The following HECW2 variants were observed in gnomAD, a reference collection of about 807,000 sequenced individuals.
The protein encoded by HECW2 is E3 ubiquitin-protein ligase HECW2.
In HECW2, 61 loss-of-function variants were observed where a neutral mutation model predicts 175.2. That is an observed-to-expected ratio of 0.35 (90% CI 0.28 to 0.43). The LOEUF (loss-of-function observed/expected upper bound fraction) is 0.43, where lower values mean the gene tolerates loss of function less well. HECW2 is among the 20% of genes least tolerant of loss of function. The pLI is 1.00. For missense variants in HECW2, 1,524 were observed against 2,000.5 expected (o/e 0.76, Z 4.54); for synonymous variants, 671 against 731.0 (o/e 0.92, Z 1.32).
intron 15 of HECW2, among the ~76,000 whole-genome samples, chr2:196,276,300 C>T (rs73044216): frequency 0.014 from 2,192 of 152,274 alleles, 48 homozygotes; most frequent in African/African-American, 0.051. Flanking sequence ...ATGGACTTAT[C>T]TCTGGGCCAC....
rs1295694142 is a variant in HECW2, at chr2:196,318,671, C to T, written c.2219G>A (p.Arg740Lys). ...AGCTGCAGCTCCCTCCAGGCTCCCC[C>T]TCCGCTGCCAGACCTCCCCCAGCTC... ...QEELGEVWQRRGSLEGAAAAA... is the reference protein window; with the variant it reads ...QEELGEVWQRKGSLEGAAAAA... The change falls in exon 9 of 29, where the codon AGG (arginine) becomes AAG (lysine). Residue 740 changes from arginine to lysine, a missense_variant. By Grantham distance (26) the Arg-to-Lys change is conservative (BLOSUM62 2). Coordinates refer to ENST00000644978, the MANE Select transcript of HECW2 (RefSeq NM_001348768.2). 3 of 1,600,648 alleles carry T rather than the reference C, an allele frequency of 1.9e-6. No homozygotes were observed. The highest frequency in any genetic ancestry group is 1.1e-5 in the South Asian group (1 of 89,002).
At position 196,554,089 on chromosome 2, in the gene HECW2, A is replaced by C. The variant is rs1689701805; in HGVS notation, c.-36+39419T>G. 2.6e-5 allele frequency among the ~76,000 whole-genome samples: 4 copies of C among 152,210 alleles called. No homozygotes were observed. The South Asian group carries it at 8.3e-4, about 31-fold the overall frequency. On this transcript the variant is annotated intron_variant, in intron 1 of 28. Transcript: ENST00000644978. ...CGCGGTGGCTCACGCCTGTAATCCC[A>C]GCACTTTGGGAGGCCGAGGCGGGCG...
chr2:196,500,945 C>A (rs1216047527), intron 1 of HECW2, among the ~76,000 whole-genome samples: 1 of 152,208 alleles, frequency 6.6e-6, no homozygotes, highest in African/African-American at 2.4e-5. Context: ...AGGCAAGATT[C>A]CAACAGTGAG....
At chr2:196,569,552 CCTG>C (rs1690309921) in intron 1 of HECW2, among the ~76,000 whole-genome samples, 1 of 152,050 alleles carries the variant, frequency 6.6e-6, no homozygotes, top group African/African-American at 2.4e-5. Context: ...TATTTATCTT[CCTG>C]CTAAGACAGG....
At chr2:196,235,823 AT>A (rs949602642) in intron 21 of HECW2, among the ~76,000 whole-genome samples, 2 of 150,658 alleles carry the variant, frequency 1.3e-5, no homozygotes, top group African/African-American at 4.9e-5. Context: ...TGCCCGGCTA[AT>A]TTTTTTTGTA....
At chr2:196,455,928 CCTTTAA>C (rs1383322281) in intron 1 of HECW2, among the ~76,000 whole-genome samples, 4 of 151,432 alleles carry the variant, frequency 2.6e-5, no homozygotes, top group Non-Finnish European at 5.9e-5. Flanking sequence ...AATATTGAGC[CCTTTAA>C]CTTTAAGGAT....
At chr2:196,560,661 G>A (rs981037256) in intron 1 of HECW2, among the ~76,000 whole-genome samples, 1 of 151,740 alleles carries the variant, frequency 6.6e-6, no homozygotes, top group Non-Finnish European at 1.5e-5. Flanking sequence ...TTCTCAAAGT[G>A]GACTCTGCAG....
At chr2:196,256,428 AC>A (rs763539481) in intron 18 of HECW2, among the ~76,000 whole-genome samples, 27 of 152,300 alleles carry the variant, frequency 1.8e-4, no homozygotes, top group Admixed American at 7.8e-4. Context: ...ACTACTTAAC[AC>A]ATAGAAACTC....
intron 1 of HECW2, among the ~76,000 whole-genome samples, chr2:196,511,529 T>C (rs752505513): frequency 6.6e-6 from 1 of 152,234 alleles, no homozygotes; most frequent in African/African-American, 2.4e-5. Flanking sequence ...TGGTTGCAAA[T>C]TCACTGGTGA....
chr2:196,592,247 C>T, intron 1 of HECW2, among the ~76,000 whole-genome samples: 1 of 152,118 alleles, frequency 6.6e-6, no homozygotes, highest in Non-Finnish European at 1.5e-5. Flanking sequence ...GCATGCTGTC[C>T]ACCTCTATCT....
At chr2:196,527,085 C>T (rs930146351) in intron 1 of HECW2, among the ~76,000 whole-genome samples, 5 of 152,334 alleles carry the variant, frequency 3.3e-5, no homozygotes, top group East Asian at 1.9e-4. Context: ...GCCTTGCTGC[C>T]GCCTTGCAGT....
intron 2 of HECW2, among the ~76,000 whole-genome samples, chr2:196,393,695 C>T (rs1404893518): frequency 2.0e-5 from 3 of 152,224 alleles, no homozygotes; most frequent in Non-Finnish European, 4.4e-5. Flanking sequence ...TACACTTTTA[C>T]ACTGTTGGTG....
chr2:196,477,924 T>C (rs985359883), intron 1 of HECW2, among the ~76,000 whole-genome samples: 1 of 152,108 alleles, frequency 6.6e-6, no homozygotes, highest in Non-Finnish European at 1.5e-5. Flanking sequence ...TGGTGGCACG[T>C]GCCTGTAATT....
At chr2:196,322,679 C>A (rs1421252015) in intron 6 of HECW2, 59 bp from the exon 7 acceptor site, 1 of 1,446,824 alleles carries the variant, frequency 6.9e-7, no homozygotes, top group Non-Finnish European at 9.6e-7. Flanking sequence ...GATACTATAT[C>A]ATTTTATTTG....
chr2:196,508,928 C>T (rs1687853744), intron 1 of HECW2, among the ~76,000 whole-genome samples: 3 of 152,052 alleles, frequency 2.0e-5, no homozygotes, highest in Non-Finnish European at 4.4e-5. Flanking sequence ...ATTAGCCAGG[C>T]GTGGTGGTGG....
chr2:196,472,479 G>A (rs1367060015), intron 1 of HECW2, among the ~76,000 whole-genome samples: 2 of 88,454 alleles, frequency 2.3e-5, no homozygotes, highest in South Asian at 3.9e-4. Flanking sequence ...CAGAGACTCC[G>A]TCAAAAAAAA....
chr2:196,272,524 A>G (rs901360292), intron 16 of HECW2, among the ~76,000 whole-genome samples: 32 of 152,350 alleles, frequency 2.1e-4, no homozygotes, highest in African/African-American at 6.3e-4. Flanking sequence ...GGTATAGGAT[A>G]TTATCAAGAT....
chr2:196,248,714 AAG>A (rs1491008643), intron 19 of HECW2, among the ~76,000 whole-genome samples: 1 of 130,748 alleles, frequency 7.6e-6, no homozygotes, highest in Non-Finnish European at 1.6e-5. Flanking sequence ...TGTTTGTGAA[AAG>A]AGAAGATGAC....
In HECW2 at chr2:196,318,651, C is replaced by G. The variant is rs140320997; in HGVS notation, c.2239G>C (p.Ala747Pro). ...TGCGGTGGGCTCTCGGCAGCAGCTG[C>G]AGCTCCCTCCAGGCTCCCCCTCCGC... is the stretch of plus-strand genomic sequence containing the variant. ...WQRRGSLEGA[A>P]AAAESPPQEE... The change falls in exon 9 of 29, where the codon GCA becomes CCA. Residue 747 changes from alanine (A) to proline (P), a missense_variant. This residue lies in a region of HECW2 where 604 missense variants were observed against 588.3 expected (regional missense o/e 1.03). Coordinates refer to ENST00000644978, the MANE Select transcript of HECW2 (RefSeq NM_001348768.2). The G allele has an allele frequency of 3.1e-4, 495 of 1,600,668 alleles. 1 individual carries two copies. The African/African-American group carries it at 5.8e-3, about 19-fold the overall frequency.
Sources: gnomAD v4.1 joint callset for allele counts (sites outside exome capture counted in the v4.1 genomes callset) on GRCh38, gnomAD v4.1.1 for gene constraint, gnomAD v4.1.1 regional missense constraint, MANE v1.5 for transcripts, NCBI Gene and HGNC (gene_info 2026-07-23, HGNC 2026-07-21) for gene names.